CRPPA: variants seen among roughly 807,000 people sequenced by gnomAD.
CRPPA encodes CDP-L-ribitol pyrophosphorylase A.
A neutral mutation model predicts 52.0 loss-of-function variants in CRPPA; 43 were observed. The ratio of observed to expected loss-of-function variants is 0.83; its 90% confidence interval spans 0.65 to 1.07. CRPPA has a LOEUF of 1.07. Ranked by LOEUF, CRPPA falls within the 50% of genes least tolerant of loss-of-function variation. The pLI is 0.00. For missense variants in CRPPA, 629 were observed against 551.7 expected, an observed-to-expected ratio of 1.14 and a Z score of -1.40; for synonymous variants, 250 against 203.5, an observed-to-expected ratio of 1.23 and a Z score of -1.94.
intron 8 of CRPPA, among the ~76,000 whole-genome samples, chr7:16,254,734 TAAGAAAGAAAGACAGA>T (rs1342762039): frequency 9.9e-6 from 1 of 100,952 alleles, no homozygotes; most frequent in Non-Finnish European, 2.1e-5. Flanking sequence ...TCTTAAAGTA[TAAGAAAGAAAGACAGA>T]AAGAAAGAAA....
chr7:16,258,610 GA>G, intron 7 of CRPPA, 128 bp from the exon 8 acceptor site: 1 of 629,296 alleles, frequency 1.6e-6, no homozygotes, highest in Non-Finnish European at 2.6e-6. Flanking sequence ...TTTTAATTTA[GA>G]AACAATTTTA....
At chr7:16,142,021 A>G (rs1562523791) in intron 9 of CRPPA, among the ~76,000 whole-genome samples, 1 of 152,104 alleles carries the variant, frequency 6.6e-6, no homozygotes, top group African/African-American at 2.4e-5. Context: ...GAAAACCACC[A>G]AGAAATTATA....
intron 9 of CRPPA, among the ~76,000 whole-genome samples, chr7:16,186,019 T>C (rs1489361554): frequency 6.6e-6 from 1 of 152,166 alleles, no homozygotes; most frequent in Non-Finnish European, 1.5e-5. Context: ...CTAAAATAAA[T>C]GATAAATTTA....
intron 9 of CRPPA, among the ~76,000 whole-genome samples, chr7:16,194,062 T>C (rs1441005921): frequency 2.0e-5 from 3 of 152,094 alleles, no homozygotes; most frequent in African/African-American, 4.8e-5. Context: ...TAAACACACT[T>C]ACCTAAGACA....
intron 6 of CRPPA, chr7:16,277,328 T>C (rs1784223003): frequency 8.2e-6 from 1 of 121,552 alleles, no homozygotes; most frequent in African/African-American, 3.3e-5. Flanking sequence ...ATCACACCAC[T>C]ATACTCCAGC....
chr7:16,275,904 T>C (rs2128417151), intron 6 of CRPPA, among the ~76,000 whole-genome samples: 1 of 151,848 alleles, frequency 6.6e-6, no homozygotes, highest in South Asian at 2.1e-4. Context: ...ATAATGTACC[T>C]ACAGAAACCC....
intron 9 of CRPPA, among the ~76,000 whole-genome samples, chr7:16,206,826 T>C (rs1183072721): frequency 6.6e-6 from 1 of 152,148 alleles, no homozygotes; most frequent in African/African-American, 2.4e-5. Context: ...GGAATTACTG[T>C]AGATATGTTT....
rs772439056 is a variant in CRPPA, at chr7:16,301,403, T to A, written c.835+18A>T. On this transcript the variant is annotated intron_variant, in intron 5 of 9. Transcript: ENST00000407010. ...ATTTTTGAAACACAGGAACTGACAG[T>A]CATAAGGCCAAACATACCCTTAATA... 1 of 1,606,772 alleles carries A rather than the reference T, an allele frequency of 6.2e-7. No individual in the cohort carries two copies. The highest frequency in any genetic ancestry group is 8.5e-7 in the Non-Finnish European group (1 of 1,174,252).
rs765005160 is a variant in CRPPA at position 16,089,271 on chromosome 7, CAT to C, written c.*2422_*2423del. The C allele has an allele frequency of 1.8e-4, 62 of 354,124 alleles. No homozygotes were observed. The highest frequency in any genetic ancestry group is 4.1e-4 in the African/African-American group (19 of 46,122). The allele number at this position is 354,124 out of a possible 1,614,324, so 21.9% of individuals were successfully genotyped here. On this transcript the variant is annotated 3_prime_UTR_variant, in exon 10 of 10. Coordinates refer to ENST00000407010, the MANE Select transcript of CRPPA (RefSeq NM_001101426.4). ...ATATGTGTGTATGCGTACGTATATA[CAT>C]ATATGTGTGTATGCGTACGTATATA...
chr7:16,161,449 T>G (rs1783303182), intron 9 of CRPPA, among the ~76,000 whole-genome samples: 1 of 152,178 alleles, frequency 6.6e-6, no homozygotes, highest in African/African-American at 2.4e-5. Flanking sequence ...AATCATGTGG[T>G]TTTTGTCATT....
chr7:16,414,256 G>T (rs562165104), intron 1 of CRPPA, among the ~76,000 whole-genome samples: 2 of 151,884 alleles, frequency 1.3e-5, no homozygotes, highest in African/African-American at 4.8e-5. Context: ...GTCTGAATAA[G>T]CATGGCCGAA....
At chr7:16,277,364 C>CAAAAAAA (rs35386502) in intron 6 of CRPPA, 9 of 77,658 alleles carry the variant, frequency 1.2e-4, no homozygotes, top group Middle Eastern at 8.8e-3. Flanking sequence ...GACTCCATCT[C>CAAAAAAA]AAAAAAAAAA....
intron 2 of CRPPA, among the ~76,000 whole-genome samples, chr7:16,379,243 C>A (rs1437982942): frequency 6.6e-6 from 1 of 152,110 alleles, no homozygotes; most frequent in Non-Finnish European, 1.5e-5. Context: ...GGTTTTAGGT[C>A]TAACGTTTAA....
chr7:16,320,143 AGCT>A lies in CRPPA; in HGVS notation c.685-11519_685-11517del, dbSNP rs1199316605. Reference sequence around the variant, plus strand: ...TTGTCATTTTTAATCCCTTTCTAGTAGCTTTAATGAGGTTTGAGTTATGAGCAA... The same window carrying A: ...TTGTCATTTTTAATCCCTTTCTAGTATTAATGAGGTTTGAGTTATGAGCAA... On this transcript the variant is annotated intron_variant, in intron 3 of 9. Coordinates refer to ENST00000407010, the MANE Select transcript of CRPPA (RefSeq NM_001101426.4). Among the ~76,000 whole-genome samples the A allele has an allele frequency of 5.9e-5, 9 of 152,206 alleles. No homozygotes were observed. The South Asian group carries it at 1.9e-3, about 32-fold the overall frequency.
intron 6 of CRPPA, among the ~76,000 whole-genome samples, chr7:16,259,604 G>C (rs999346887): frequency 6.6e-6 from 1 of 151,882 alleles, no homozygotes; most frequent in African/African-American, 2.4e-5. Context: ...AACTTTCCTA[G>C]TAAGATTTTT....
chr7:16,393,532 T>C (rs1289976984), intron 2 of CRPPA, among the ~76,000 whole-genome samples: 1 of 152,106 alleles, frequency 6.6e-6, no homozygotes, highest in South Asian at 2.1e-4. Context: ...CTTACCTTTG[T>C]AGCAAAAGAT....
intron 3 of CRPPA, among the ~76,000 whole-genome samples, chr7:16,320,797 A>G (rs1420680945): frequency 1.3e-5 from 2 of 152,130 alleles, no homozygotes; most frequent in South Asian, 2.1e-4. Context: ...TGAATTATGC[A>G]ATGTATTTTG....
chr7:16,227,920 A>C (rs530710140), intron 8 of CRPPA, among the ~76,000 whole-genome samples: 1 of 151,954 alleles, frequency 6.6e-6, no homozygotes, highest in East Asian at 1.9e-4. Context: ...GTTTTTGTAT[A>C]TGGTGTGAGA....
At chr7:16,168,778 A>G (rs1472640826) in intron 9 of CRPPA, among the ~76,000 whole-genome samples, 1 of 152,176 alleles carries the variant, frequency 6.6e-6, no homozygotes, top group Non-Finnish European at 1.5e-5. Flanking sequence ...ACGTTAACAA[A>G]TACACATGCT....
Sources: allele counts gnomAD v4.1 joint callset (sites outside exome capture counted in the v4.1 genomes callset), GRCh38; gene constraint gnomAD v4.1.1; transcripts MANE v1.5; gene names NCBI Gene and HGNC (gene_info 2026-07-23, HGNC 2026-07-21).